The following WWOX variants were observed in gnomAD, a reference collection of about 807,000 sequenced individuals.
WWOX encodes the protein WW domain-containing oxidoreductase.
A neutral mutation model predicts 46.2 loss-of-function variants in WWOX; 69 were observed. The ratio of observed to expected loss-of-function variants is 1.49; its 90% CI spans 1.23 to 1.82. WWOX has a LOEUF of 1.82. Ranked by LOEUF, WWOX falls within the 40% of genes most tolerant of loss-of-function variation. The probability of loss-of-function intolerance (pLI) is 0.00; values close to 1 mark genes in which losing one functional copy is unlikely to be tolerated. For synonymous variants in WWOX, 359 were observed against 202.6 expected, an observed-to-expected ratio of 1.77 and a Z score of -6.56; for missense variants, 919 against 542.6, an observed-to-expected ratio of 1.69 and a Z score of -6.89.
At chr16:78,458,722 G>T (rs2083885006) in intron 8 of WWOX, among the ~76,000 whole-genome samples, 1 of 151,998 alleles carries the variant, frequency 6.6e-6, no homozygotes, top group African/African-American at 2.4e-5. Flanking sequence ...AAAAATACAT[G>T]TCTATATGTG....
intron 8 of WWOX, among the ~76,000 whole-genome samples, chr16:78,617,380 C>G (rs911560181): frequency 4.1e-5 from 6 of 147,156 alleles, no homozygotes; most frequent in Non-Finnish European, 8.9e-5. Context: ...CCAGCCTGGG[C>G]CACACAGAGA....
intron 5 of WWOX, among the ~76,000 whole-genome samples, chr16:78,231,929 G>C (rs756113427): frequency 6.6e-6 from 1 of 151,960 alleles, no homozygotes; most frequent in Non-Finnish European, 1.5e-5. Flanking sequence ...ATGGAATTCA[G>C]TGTTTTTATT....
intron 8 of WWOX, among the ~76,000 whole-genome samples, chr16:78,774,531 T>TGTGTGTGTGTGC (rs1021809877): frequency 1.4e-5 from 2 of 144,252 alleles, no homozygotes; most frequent in African/African-American, 5.6e-5. Context: ...TGTGTGTGTG[T>TGTGTGTGTGTGC]GCGCGTGCGC....
intron 8 of WWOX, among the ~76,000 whole-genome samples, chr16:79,014,369 A>G (rs910273421): frequency 2.6e-5 from 4 of 151,996 alleles, no homozygotes; most frequent in Admixed American, 6.6e-5. Flanking sequence ...CCTGTTTTCT[A>G]TTGTCCCCGA....
chr16:78,986,981 G>A (rs1023117317), intron 8 of WWOX, among the ~76,000 whole-genome samples: 1 of 152,056 alleles, frequency 6.6e-6, no homozygotes, highest in African/African-American at 2.4e-5. Context: ...GAGGTACAGT[G>A]CACTTACCCA....
In WWOX at chr16:79,211,682, C is replaced by T. The variant is rs377129275; in HGVS notation, c.1131C>T (p.Asn377=). The T allele has an allele frequency of 6.2e-7, 1 of 1,614,096 alleles. No individual in the cohort carries two copies. Among genetic ancestry groups the T allele is most frequent in the African/African-American group, 1.3e-5 (1 of 74,932 alleles). ...AGGGTCTGGGAGGGATGTACTTCAA[C>T]AACTGCTGCCGCTGCATGCCCTCAC... ...ELEGLGGMYF[N]NCCRCMPSPE... is the part of the protein sequence containing the mutation. Residue 377 remains asparagine (N), a synonymous_variant, in exon 9 of 9, where the codon AAC becomes AAT. Transcript: ENST00000566780.
At chr16:78,366,085 A>G (rs751053418) in intron 5 of WWOX, among the ~76,000 whole-genome samples, 1 of 152,168 alleles carries the variant, frequency 6.6e-6, no homozygotes. Context: ...TTAGCACCCT[A>G]AATGCCCAGG....
At chr16:79,157,570 T>C (rs1431431727) in intron 8 of WWOX, among the ~76,000 whole-genome samples, 2 of 152,160 alleles carry the variant, frequency 1.3e-5, no homozygotes, top group Admixed American at 1.3e-4. Context: ...GTTTTTATTA[T>C]TTGGTGCACG....
At chr16:78,591,993 A>C (rs538873060) in intron 8 of WWOX, among the ~76,000 whole-genome samples, 1 of 152,184 alleles carries the variant, frequency 6.6e-6, no homozygotes, top group Non-Finnish European at 1.5e-5. Flanking sequence ...ATTTCAATAG[A>C]TATCCAGATT....
chr16:78,470,343 C>T (rs537941988), intron 8 of WWOX, among the ~76,000 whole-genome samples: 3 of 152,272 alleles, frequency 2.0e-5, no homozygotes, highest in East Asian at 3.9e-4. Flanking sequence ...CTTTGCCTCA[C>T]CTGATGTATT....
At chr16:78,741,397 C>G (rs901163975) in intron 8 of WWOX, among the ~76,000 whole-genome samples, 1 of 152,016 alleles carries the variant, frequency 6.6e-6, no homozygotes, top group African/African-American at 2.4e-5. Context: ...CCCATCTCTA[C>G]TAATAATACA....
chr16:78,657,560 G>C (rs370408018), intron 8 of WWOX, among the ~76,000 whole-genome samples: 6 of 152,166 alleles, frequency 3.9e-5, no homozygotes, highest in African/African-American at 1.2e-4. Context: ...TTAAAGACGT[G>C]ACCCTGGCCG....
At chr16:78,723,878 G>A (rs1316545296) in intron 8 of WWOX, among the ~76,000 whole-genome samples, 6 of 152,046 alleles carry the variant, frequency 3.9e-5, no homozygotes, top group Non-Finnish European at 7.4e-5. Context: ...TAAAAAATGA[G>A]GATTTGTTTA....
chr16:78,706,619 T>C (rs984921686), intron 8 of WWOX, among the ~76,000 whole-genome samples: 1 of 152,102 alleles, frequency 6.6e-6, no homozygotes, highest in Non-Finnish European at 1.5e-5. Flanking sequence ...CCCAAGAAAA[T>C]AGTTTTTTTC....
chr16:78,125,727 C>T (rs1010111480), intron 4 of WWOX, among the ~76,000 whole-genome samples: 2 of 152,034 alleles, frequency 1.3e-5, no homozygotes, highest in African/African-American at 4.8e-5. Flanking sequence ...AAAGCTGAAG[C>T]TTTCTTTACC....
rs118085768 is a variant in WWOX at position 78,187,492 on chromosome 16, A to G, written c.516+23203A>G. On this transcript the variant is annotated intron_variant, in intron 5 of 8. Transcript: ENST00000566780. Reference sequence around the variant, plus strand: ...GTGGTGTGCACCCGTAGTCCCACCTACTTGGGAGGCTAAGGCAGGAGAATT... The same window carrying G: ...GTGGTGTGCACCCGTAGTCCCACCTGCTTGGGAGGCTAAGGCAGGAGAATT... Among the ~76,000 whole-genome samples, 1,378 of 152,264 alleles carry G rather than the reference A, an allele frequency of 9.1e-3. 9 individuals carry two copies. Among genetic ancestry groups the G allele is most frequent in the Admixed American group, 0.012 (191 of 15,292 alleles).
chr16:78,269,445 T>A (rs1046926813), intron 5 of WWOX, among the ~76,000 whole-genome samples: 1 of 152,198 alleles, frequency 6.6e-6, no homozygotes, highest in African/African-American at 2.4e-5. Context: ...GCAGCCATTC[T>A]GGTTTGACTG....
rs189730754 is a variant in WWOX at position 78,439,141 on chromosome 16, C to T, written c.1056+6389C>T. Among the ~76,000 whole-genome samples, 81 of 152,260 alleles carry T rather than the reference C, an allele frequency of 5.3e-4. 1 individual carries two copies. The highest frequency in any genetic ancestry group is 3.4e-3 in the Middle Eastern group (1 of 294). On this transcript the variant is annotated intron_variant, in intron 8 of 8. Transcript: ENST00000566780. ...TATTGGTACATTGGTGTATCACATA[C>T]AAGGCAGAGGGTGTATAAAACAGGC...
intron 8 of WWOX, among the ~76,000 whole-genome samples, chr16:78,782,158 T>G (rs1019391990): frequency 6.6e-6 from 1 of 152,186 alleles, no homozygotes; most frequent in Non-Finnish European, 1.5e-5. Context: ...TCCAGCCTTC[T>G]CGCCTTGCCA....
Sources: gnomAD v4.1 joint callset for allele counts (sites outside exome capture counted in the v4.1 genomes callset) on GRCh38, gnomAD v4.1.1 for gene constraint, MANE v1.5 for transcripts, NCBI Gene and HGNC (gene_info 2026-07-23, HGNC 2026-07-21) for gene names.